The following E2F5 variants were observed in gnomAD, a reference collection of about 807,000 sequenced individuals.
The protein encoded by E2F5 is E2F transcription factor 5.
A neutral mutation model predicts 39.1 loss-of-function variants in E2F5; 23 were observed. The ratio of observed to expected loss-of-function variants is 0.59; its 90% CI spans 0.42 to 0.83. The LOEUF is 0.83. Ranked by LOEUF, E2F5 falls within the 40% of genes least tolerant of loss-of-function variation. The probability of loss-of-function intolerance (pLI) is 0.00; values close to 1 mark genes in which losing one functional copy is unlikely to be tolerated. For synonymous variants in E2F5, 145 were observed against 157.8 expected, an observed-to-expected ratio of 0.92 and a Z score of 0.61; for missense variants, 365 against 406.7, an observed-to-expected ratio of 0.90 and a Z score of 0.88.
intron 1 of E2F5, among the ~76,000 whole-genome samples, chr8:85,185,666 A>T (rs1812315245): frequency 6.6e-6 from 1 of 152,224 alleles, no homozygotes; most frequent in South Asian, 2.1e-4. Context: ...CGAATTTACA[A>T]TAAAAAACAA....
intron 1 of E2F5, among the ~76,000 whole-genome samples, chr8:85,199,198 G>A (rs1456235661): frequency 6.6e-6 from 1 of 151,718 alleles, no homozygotes; most frequent in Non-Finnish European, 1.5e-5. Context: ...ACACTGGCCT[G>A]CCTGCCTCTC....
intron 1 of E2F5, among the ~76,000 whole-genome samples, chr8:85,193,301 T>A (rs534933325): frequency 1.8e-4 from 27 of 152,166 alleles, no homozygotes; most frequent in Non-Finnish European, 3.2e-4. Flanking sequence ...CTGGCCAACA[T>A]GGTGAAACCC....
chr8:85,177,794 G>A (rs998462999), intron 1 of E2F5, 140 bp downstream of exon 1: 1 of 1,145,956 alleles, frequency 8.7e-7, no homozygotes, highest in African/African-American at 1.6e-5. Context: ...CGAGGACCAT[G>A]TGGCCTGCGC....
At chr8:85,206,032 A>T in intron 3 of E2F5, 145 bp from the exon 4 acceptor site, 1 of 710,154 alleles carries the variant, frequency 1.4e-6, no homozygotes, top group Non-Finnish European at 2.4e-6. Context: ...ACCTTTCTAG[A>T]CTAGACTTCT....
At chr8:85,213,676 T>A (rs1587505852) in intron 7 of E2F5, 77 bp from the exon 8 acceptor site, 1 of 740,434 alleles carries the variant, frequency 1.4e-6, no homozygotes, top group African/African-American at 1.7e-5. Flanking sequence ...GAATGATGTA[T>A]TTGAGAGTAT....
At chr8:85,194,694 A>T (rs531178745) in intron 1 of E2F5, among the ~76,000 whole-genome samples, 1 of 150,994 alleles carries the variant, frequency 6.6e-6, no homozygotes, top group Non-Finnish European at 1.5e-5. Flanking sequence ...GCCACCGCGC[A>T]TGGCTAATTT....
chr8:85,207,631 A>T, intron 5 of E2F5, 142 bp downstream of exon 5: 1 of 586,506 alleles, frequency 1.7e-6, no homozygotes, highest in Non-Finnish European at 2.9e-6. Flanking sequence ...TTGATAGCTG[A>T]ATTTGTATGT....
At chr8:85,192,335 G>A (rs1812483562) in intron 1 of E2F5, among the ~76,000 whole-genome samples, 1 of 152,126 alleles carries the variant, frequency 6.6e-6, no homozygotes, top group Non-Finnish European at 1.5e-5. Flanking sequence ...CAGCCTATCG[G>A]AATTATAGGT....
At chr8:85,198,855 G>A (rs183265891) in intron 1 of E2F5, among the ~76,000 whole-genome samples, 7 of 152,074 alleles carry the variant, frequency 4.6e-5, no homozygotes, top group African/African-American at 1.2e-4. Context: ...ACACACTCTC[G>A]TGTCCAGTGG....
intron 7 of E2F5, chr8:85,213,488 G>A (rs1291754061): frequency 8.2e-5 from 15 of 182,952 alleles, no homozygotes; most frequent in South Asian, 2.1e-4. Context: ...GCTTGCAGTG[G>A]GCCGAGATCG....
In E2F5 at chr8:85,189,372, ATAT is replaced by A. The variant is rs151206382; in HGVS notation, c.234+11732_234+11734del. 3.3e-5 allele frequency among the ~76,000 whole-genome samples: 5 copies of A among 151,896 alleles called. No homozygotes were observed. In the East Asian group the frequency reaches 5.8e-4, roughly 18 times the overall value. ...AAATGTTTATTGTTCCTACTTATTA[ATAT>A]TATTATTATTATTTTTGAGGCAGAG... On this transcript the variant is annotated intron_variant, in intron 1 of 7. Coordinates refer to ENST00000416274, the MANE Select transcript of E2F5 (RefSeq NM_001951.4).
At chr8:85,202,319 G>C in intron 2 of E2F5, 63 bp downstream of exon 2, 2 of 1,247,218 alleles carry the variant, frequency 1.6e-6, no homozygotes, top group Non-Finnish European at 2.2e-6. Context: ...TGTAAAATTT[G>C]ACCTTCCCAA....
At chr8:85,185,125 A>G (rs1812301329) in intron 1 of E2F5, among the ~76,000 whole-genome samples, 1 of 152,236 alleles carries the variant, frequency 6.6e-6, no homozygotes, top group Admixed American at 6.5e-5. Context: ...CTACAAGGCT[A>G]CAGTAACCAA....
At chr8:85,180,115 G>A (rs966888983) in intron 1 of E2F5, among the ~76,000 whole-genome samples, 1 of 151,850 alleles carries the variant, frequency 6.6e-6, no homozygotes, top group African/African-American at 2.4e-5. Flanking sequence ...CCACCTCCCG[G>A]GTTCAAGCGA....
At chr8:85,190,576 T>C (rs1206507343) in intron 1 of E2F5, among the ~76,000 whole-genome samples, 1 of 134,340 alleles carries the variant, frequency 7.4e-6, no homozygotes, top group African/African-American at 2.8e-5. Flanking sequence ...TGATCTCGGC[T>C]CACTGCAACC....
chr8:85,177,791 C>T (rs1812117898), intron 1 of E2F5, 137 bp downstream of exon 1: 1 of 1,146,452 alleles, frequency 8.7e-7, no homozygotes, highest in Admixed American at 4.8e-5. Context: ...ATCCGAGGAC[C>T]ATGTGGCCTG....
At position 85,212,178 on chromosome 8, in the gene E2F5, T is replaced by G. The variant is rs1390198963; in HGVS notation, c.905T>G (p.Ile302Ser). ...ISSAGSISGD[I>S]IDELMSSDVF... ...CCAGCAGGATCTATTAGTGGAGATA[T>G]CATTGATGAGTTAATGTCTTCTGAC... Residue 302 changes from isoleucine to serine, a missense_variant, in exon 7 of 8, where the codon ATC (isoleucine) becomes AGC (serine). By Grantham distance (142) the Ile-to-Ser change is moderately radical. Transcript: ENST00000416274. 1.9e-6 allele frequency: 3 copies of G among 1,611,002 alleles called. No homozygotes were observed. The highest frequency in any genetic ancestry group is 2.2e-5 in the East Asian group (1 of 44,800).
intron 6 of E2F5, among the ~76,000 whole-genome samples, chr8:85,209,844 A>G (rs1181266133): frequency 6.6e-6 from 1 of 152,238 alleles, no homozygotes; most frequent in African/African-American, 2.4e-5. Flanking sequence ...AATATGTTCC[A>G]ACTATCTTTA....
At chr8:85,200,373 T>C in intron 1 of E2F5, 2 of 802,360 alleles carry the variant, frequency 2.5e-6, no homozygotes, top group Non-Finnish European at 3.0e-6. Context: ...TGAGAAATAA[T>C]GTTTAGTTTT....
Sources: allele counts gnomAD v4.1 joint callset (sites outside exome capture counted in the v4.1 genomes callset), GRCh38; gene constraint gnomAD v4.1.1; transcripts MANE v1.5; gene names NCBI Gene and HGNC (gene_info 2026-07-23, HGNC 2026-07-21).